NKAIN3: variants seen among roughly 807,000 people sequenced by gnomAD.
NKAIN3 encodes the protein sodium/potassium transporting ATPase interacting 3, also known as sodium/potassium-transporting ATPase subunit beta-1-interacting protein 3.
NKAIN3 carries 25 observed loss-of-function variants against 30.2 expected under a neutral mutation model. That is an observed-to-expected ratio of 0.83 (90% confidence interval 0.60 to 1.16). NKAIN3 has a LOEUF of 1.16. NKAIN3 is among the 50% of genes most tolerant of loss of function. NKAIN3 has a pLI of 0.00. For synonymous variants in NKAIN3, 91 were observed against 89.6 expected (o/e 1.02, Z -0.09); for missense variants, 225 against 254.1 (o/e 0.89, Z 0.78).
intron 1 of NKAIN3, among the ~76,000 whole-genome samples, chr8:62,497,120 T>C (rs911925319): frequency 1.2e-4 from 19 of 152,156 alleles, no homozygotes; most frequent in African/African-American, 4.6e-4. Context: ...ACGTTGTTTC[T>C]TCTGTTTTAC....
At chr8:62,531,682 A>G (rs1808495619) in intron 1 of NKAIN3, among the ~76,000 whole-genome samples, 1 of 152,204 alleles carries the variant, frequency 6.6e-6, no homozygotes. Context: ...TTTTCTGACT[A>G]AAACCATGAA....
chr8:62,679,004 A>G (rs184718050), intron 3 of NKAIN3, among the ~76,000 whole-genome samples: 26 of 152,328 alleles, frequency 1.7e-4, no homozygotes, highest in Admixed American at 1.5e-3. Flanking sequence ...GTGGTAAAGG[A>G]TGAGTAACAG....
intron 5 of NKAIN3, among the ~76,000 whole-genome samples, chr8:62,948,230 C>T (rs1823181762): frequency 6.6e-6 from 1 of 151,340 alleles, no homozygotes. Flanking sequence ...CAGAGTCTCT[C>T]ACTCTGTCGC....
At chr8:62,746,782 C>A in intron 3 of NKAIN3, 150 bp from the exon 4 acceptor site, 1 of 565,650 alleles carries the variant, frequency 1.8e-6, no homozygotes, top group Non-Finnish European at 3.2e-6. Flanking sequence ...ATACATGCAG[C>A]CACTTGGGGC....
chr8:62,884,137 T>A (rs576092778), intron 4 of NKAIN3, among the ~76,000 whole-genome samples: 23 of 152,358 alleles, frequency 1.5e-4, no homozygotes, highest in African/African-American at 5.5e-4. Context: ...TTTGTGTCTA[T>A]GGCCTGCAGT....
At chr8:62,460,019 T>C (rs529520009) in intron 1 of NKAIN3, among the ~76,000 whole-genome samples, 2 of 152,254 alleles carry the variant, frequency 1.3e-5, no homozygotes, top group South Asian at 4.1e-4. Flanking sequence ...ACAGACCAGT[T>C]AGGAGGCTCT....
rs1323507409 is a variant in NKAIN3, at chr8:62,345,379, A to C, written c.54+96252A>C. ...CACATATATGTATATATACACATAT[A>C]TGTATATATACACACATATACACAT... On this transcript the variant is annotated intron_variant, in intron 1 of 6. Transcript: ENST00000623646. Among the ~76,000 whole-genome samples the C allele has an allele frequency of 3.8e-4, 37 of 98,458 alleles. 1 individual carries two copies. Among genetic ancestry groups the C allele is most frequent in the Admixed American group, 1.2e-3 (11 of 9,366 alleles). The allele number at this position is 98,458 out of a possible 152,430, so 64.6% of individuals were successfully genotyped here.
intron 1 of NKAIN3, among the ~76,000 whole-genome samples, chr8:62,546,020 A>C (rs963625959): frequency 1.3e-5 from 2 of 152,158 alleles, no homozygotes; most frequent in African/African-American, 4.8e-5. Context: ...TTATTTTAAT[A>C]TACATTTCTG....
rs5891874 is a variant in NKAIN3 at position 62,892,693 on chromosome 8, TAA to T, written c.472-25751_472-25750del. Among the ~76,000 whole-genome samples, 81 of 150,984 alleles carry T rather than the reference TAA, an allele frequency of 5.4e-4. No individual in the cohort carries two copies. The East Asian group carries it at 8.4e-3, about 16-fold the overall frequency. On this transcript the variant is annotated intron_variant, in intron 4 of 6. Coordinates refer to ENST00000623646, the MANE Select transcript of NKAIN3 (RefSeq NM_001304533.3). The stretch of plus-strand genomic sequence containing the variant: ...TCAAAATCTCAGTTGTTTTATTTGG[TAA>T]AAAAAAAATAGTTGTTTAATTTGGT...
At chr8:62,368,784 TTTAA>T (rs1816816309) in intron 1 of NKAIN3, among the ~76,000 whole-genome samples, 1 of 150,648 alleles carries the variant, frequency 6.6e-6, no homozygotes, top group South Asian at 2.1e-4. Context: ...AAAACTATTA[TTTAA>T]TTATTCTCAT....
At chr8:62,806,947 G>A (rs1818309010) in intron 4 of NKAIN3, among the ~76,000 whole-genome samples, 1 of 152,060 alleles carries the variant, frequency 6.6e-6, no homozygotes, top group Non-Finnish European at 1.5e-5. Flanking sequence ...AGAGGATAGT[G>A]CGTGATGAAA....
chr8:62,806,169 G>C (rs1441593649), intron 4 of NKAIN3, among the ~76,000 whole-genome samples: 4 of 152,238 alleles, frequency 2.6e-5, no homozygotes, highest in African/African-American at 9.6e-5. Flanking sequence ...TGCTGGAGAA[G>C]ATGTGGAGAA....
intron 3 of NKAIN3, among the ~76,000 whole-genome samples, chr8:62,631,111 A>G (rs974636382): frequency 6.6e-6 from 1 of 152,140 alleles, no homozygotes; most frequent in Non-Finnish European, 1.5e-5. Flanking sequence ...AATTCAAGCC[A>G]ACACCTCTCC....
chr8:62,453,963 G>A (rs961958656), intron 1 of NKAIN3, among the ~76,000 whole-genome samples: 2 of 151,886 alleles, frequency 1.3e-5, no homozygotes, highest in Admixed American at 6.6e-5. Flanking sequence ...AGGAAGAACT[G>A]GTATCATTCC....
At chr8:62,644,050 G>A (rs1267255220) in intron 3 of NKAIN3, among the ~76,000 whole-genome samples, 1 of 152,106 alleles carries the variant, frequency 6.6e-6, no homozygotes, top group African/African-American at 2.4e-5. Flanking sequence ...GGAAAAGAAA[G>A]AGGAAGATGA....
At chr8:62,802,632 A>G (rs1818109736) in intron 4 of NKAIN3, among the ~76,000 whole-genome samples, 1 of 152,216 alleles carries the variant, frequency 6.6e-6, no homozygotes, top group Admixed American at 6.5e-5. Flanking sequence ...CATGGAAAGG[A>G]ACAACCGGTA....
chr8:62,642,159 A>G (rs1442402417), intron 3 of NKAIN3, among the ~76,000 whole-genome samples: 1 of 152,074 alleles, frequency 6.6e-6, no homozygotes, highest in Non-Finnish European at 1.5e-5. Context: ...ATGCTCCTAC[A>G]CCCATCTGTT....
chr8:62,916,670 C>T (rs1483710657), intron 4 of NKAIN3, among the ~76,000 whole-genome samples: 4 of 152,178 alleles, frequency 2.6e-5, no homozygotes, highest in Admixed American at 1.3e-4. Flanking sequence ...AACTCTCCCG[C>T]TCAGCTTGGG....
intron 1 of NKAIN3, among the ~76,000 whole-genome samples, chr8:62,290,446 G>A (rs1813555092): frequency 1.3e-5 from 2 of 152,088 alleles, no homozygotes; most frequent in Non-Finnish European, 2.9e-5. Context: ...GTAGTTTTTA[G>A]CATGAAGGGC....
Sources: gnomAD v4.1 joint callset for allele counts (sites outside exome capture counted in the v4.1 genomes callset) on GRCh38, gnomAD v4.1.1 for gene constraint, MANE v1.5 for transcripts, NCBI Gene and HGNC (gene_info 2026-07-23, HGNC 2026-07-21) for gene names.